Variants in JADE3 observed in about 807,000 individuals in gnomAD.
JADE3 encodes the protein protein Jade-3.
In JADE3, 2 loss-of-function variants were observed where a neutral mutation model predicts 50.1. The observed-to-expected ratio is 0.04, with a 90% CI of 0.02 to 0.13. The LOEUF is 0.13. JADE3 is among the 10% of genes least tolerant of loss of function. JADE3 has a pLI of 1.00. For synonymous variants in JADE3, 218 were observed against 232.9 expected (o/e 0.94, Z 0.58); for missense variants, 475 against 634.4 (o/e 0.75, Z 2.70).
At chrX:46,983,967 G>A (rs1927810906) in intron 1 of JADE3, among the ~76,000 whole-genome samples, 1 of 111,760 alleles carries the variant, frequency 8.9e-6, no homozygotes. Flanking sequence ...TACCTCCTCA[G>A]TAGATTGTAA....
At chrX:46,935,871 C>G (rs1450381384) in intron 1 of JADE3, among the ~76,000 whole-genome samples, 1 of 92,880 alleles carries the variant, frequency 1.1e-5, no homozygotes, top group East Asian at 3.5e-4. Context: ...CTCTCTGTCA[C>G]CCAGGCTGGA....
chrX:46,929,430 C>T (rs1236591697), intron 1 of JADE3, among the ~76,000 whole-genome samples: 1 of 111,977 alleles, frequency 8.9e-6, no homozygotes, highest in African/African-American at 3.3e-5. Context: ...GCCCCTTAGC[C>T]TCTTAAGGAT....
intron 3 of JADE3, among the ~76,000 whole-genome samples, chrX:46,986,876 G>C (rs782268195): frequency 2.9e-4 from 33 of 112,518 alleles, no homozygotes; most frequent in African/African-American, 1.0e-3. Context: ...ACTATGAGTA[G>C]ACTTCCTTAG....
intron 1 of JADE3, among the ~76,000 whole-genome samples, chrX:46,942,471 C>T (rs1194668336): frequency 1.8e-5 from 2 of 111,723 alleles, no homozygotes; most frequent in Non-Finnish European, 3.8e-5. Flanking sequence ...GGAGTCCTTT[C>T]CCCGTTGCTT....
rs149354680 is a variant in JADE3 at position 47,014,863 on chromosome X, T to C, written c.285-9861T>C. Among the ~76,000 whole-genome samples the C allele has an allele frequency of 3.0e-3, 336 of 112,515 alleles. 1 individual carries two copies. In the East Asian group the frequency reaches 0.039, roughly 13 times the overall value. On this transcript the variant is annotated intron_variant, in intron 4 of 10. Transcript: ENST00000614628. The stretch of plus-strand genomic sequence containing the variant: ...TCAAAAACCATAAATAAAAATGTTC[T>C]CTTCCAATGTAATTGCCAAGTTTAA...
chrX:46,976,993 C>T (rs781815390), intron 1 of JADE3, among the ~76,000 whole-genome samples: 8 of 111,842 alleles, frequency 7.2e-5, no homozygotes, highest in Non-Finnish European at 1.5e-4. Context: ...AGGGCTAGTC[C>T]TTCTATGGGG....
intron 4 of JADE3, among the ~76,000 whole-genome samples, chrX:47,006,106 G>A (rs1255231809): frequency 2.7e-5 from 3 of 111,748 alleles, no homozygotes; most frequent in Non-Finnish European, 5.6e-5. Context: ...ATAGTTTAAC[G>A]AAGATTTTAA....
At chrX:46,983,587 T>C (rs1277887824) in intron 1 of JADE3, among the ~76,000 whole-genome samples, 4 of 111,385 alleles carry the variant, frequency 3.6e-5, no homozygotes, top group Non-Finnish European at 7.5e-5. Flanking sequence ...AGAAAGGAGC[T>C]TGGAGCTGGG....
intron 3 of JADE3, among the ~76,000 whole-genome samples, chrX:46,988,659 G>A (rs141046215): frequency 3.6e-4 from 40 of 111,233 alleles, no homozygotes; most frequent in African/African-American, 1.2e-3. Flanking sequence ...GGAGAATATG[G>A]TAGGAACCCT....
At chrX:46,971,108 A>ATTT (rs199889056) in intron 1 of JADE3, among the ~76,000 whole-genome samples, 10 of 46,028 alleles carry the variant, frequency 2.2e-4, no homozygotes, top group Non-Finnish European at 3.3e-4. Context: ...GGTAGTTGAA[A>ATTT]TTTTTTTTTT....
chrX:47,007,140 C>A (rs1483504890), intron 4 of JADE3, among the ~76,000 whole-genome samples: 1 of 111,358 alleles, frequency 9.0e-6, no homozygotes, highest in Non-Finnish European at 1.9e-5. Flanking sequence ...TCAGAAAACA[C>A]ACTCTATATA....
intron 4 of JADE3, among the ~76,000 whole-genome samples, chrX:47,011,750 A>G (rs1379790564): frequency 9.0e-6 from 1 of 111,597 alleles, no homozygotes. Context: ...AGTGTATTTC[A>G]CTGTGATTAT....
At chrX:47,019,636 A>G (rs1360857853) in intron 4 of JADE3, among the ~76,000 whole-genome samples, 1 of 112,449 alleles carries the variant, frequency 8.9e-6, no homozygotes, top group East Asian at 2.8e-4. Flanking sequence ...CAGTGTTCAC[A>G]AATGATTCTA....
At chrX:46,998,781 C>T (rs1006286964) in intron 4 of JADE3, among the ~76,000 whole-genome samples, 1 of 111,142 alleles carries the variant, frequency 9.0e-6, no homozygotes, top group Non-Finnish European at 1.9e-5. Flanking sequence ...CAACCTCTGC[C>T]TCCCGGGTTC....
At chrX:47,026,655 T>C (rs781918646) in intron 5 of JADE3, among the ~76,000 whole-genome samples, 1 of 111,522 alleles carries the variant, frequency 9.0e-6, no homozygotes, top group Non-Finnish European at 1.9e-5. Context: ...AAAGTAAACT[T>C]TTTAAAAACA....
intron 4 of JADE3, among the ~76,000 whole-genome samples, chrX:47,002,084 G>A (rs1292677153): frequency 9.0e-6 from 1 of 110,899 alleles, no homozygotes; most frequent in African/African-American, 3.3e-5. Flanking sequence ...TAAGAGGGTC[G>A]TTCACAAAGT....
intron 4 of JADE3, among the ~76,000 whole-genome samples, chrX:47,008,149 A>G (rs1928479147): frequency 8.9e-6 from 1 of 111,852 alleles, no homozygotes; most frequent in Admixed American, 9.6e-5. Flanking sequence ...ATATGGGGAT[A>G]TGCTGCTGTT....
intron 4 of JADE3, among the ~76,000 whole-genome samples, chrX:47,001,955 G>GT (rs1397826215): frequency 3.6e-5 from 4 of 110,830 alleles, no homozygotes; most frequent in Non-Finnish European, 7.6e-5. Context: ...CAGATTCTTT[G>GT]TTTTTTTACT....
At chrX:46,931,207 T>C (rs1394420849) in intron 1 of JADE3, among the ~76,000 whole-genome samples, 1 of 111,214 alleles carries the variant, frequency 9.0e-6, no homozygotes, top group Non-Finnish European at 1.9e-5. Flanking sequence ...CTTTTACTTA[T>C]GCCTTTTCTC....
Sources: allele counts gnomAD v4.1 joint callset (sites outside exome capture counted in the v4.1 genomes callset), GRCh38; gene constraint gnomAD v4.1.1; transcripts MANE v1.5; gene names NCBI Gene and HGNC (gene_info 2026-07-23, HGNC 2026-07-21).